Variants in DIP2C observed in about 807,000 individuals in gnomAD.
The protein encoded by DIP2C is DIP2 acetate--CoA ligase C (putative), also known as disco-interacting protein 2 homolog C.
In DIP2C, 33 loss-of-function variants were observed where a neutral mutation model predicts 192.4. The ratio of observed to expected loss-of-function variants is 0.17; its 90% CI spans 0.13 to 0.23. The LOEUF is 0.23. Ranked by LOEUF, DIP2C falls within the 10% of genes least tolerant of loss-of-function variation. The pLI, the probability that DIP2C is intolerant of heterozygous loss-of-function variation, is 1.00. For missense variants in DIP2C, 1,537 were observed against 2,110.1 expected (o/e 0.73, Z 5.32); for synonymous variants, 979 against 864.1 (o/e 1.13, Z -2.33).
In DIP2C at chr10:418,051, T is replaced by TAGATAGG. The variant is rs1965884960; in HGVS notation, c.739+1013_739+1014insCCTATCT. 1.7e-4 allele frequency among the ~76,000 whole-genome samples: 2 copies of TAGATAGG among 11,700 alleles called. 1 individual carries two copies. Among genetic ancestry groups the TAGATAGG allele is most frequent in the Non-Finnish European group, 4.4e-4 (2 of 4,528 alleles). The allele number at this position is 11,700 out of a possible 152,430, so 7.7% of individuals were successfully genotyped here. On this transcript the variant is annotated intron_variant, in intron 6 of 36. Transcript: ENST00000280886. ...CTGTCCACCTGTTCCTGTCAGGGCT[T>TAGATAGG]CGATAGGCCTCCCTGTTCACTGCAC...
At chr10:526,307 G>C (rs1847046959) in intron 1 of DIP2C, among the ~76,000 whole-genome samples, 1 of 152,182 alleles carries the variant, frequency 6.6e-6, no homozygotes, top group Non-Finnish European at 1.5e-5. Flanking sequence ...TTGAAGGTGT[G>C]AATTTTATTA....
intron 1 of DIP2C, among the ~76,000 whole-genome samples, chr10:504,821 T>C (rs561931111): frequency 6.6e-6 from 1 of 152,364 alleles, no homozygotes; most frequent in East Asian, 1.9e-4. Context: ...AATCGCACTA[T>C]GGCTGCATCA....
At chr10:480,137 C>CG (rs1336122435) in intron 2 of DIP2C, among the ~76,000 whole-genome samples, 21 of 146,780 alleles carry the variant, frequency 1.4e-4, no homozygotes, top group Admixed American at 6.1e-4. Flanking sequence ...GCCTGAGCCC[C>CG]GGTCCATACT....
chr10:513,938 G>A (rs1042890793), intron 1 of DIP2C, among the ~76,000 whole-genome samples: 1 of 152,222 alleles, frequency 6.6e-6, no homozygotes. Flanking sequence ...AGGTTGTATA[G>A]ATCCAAAAAG....
rs1049126910 is a variant in DIP2C at position 378,556 on chromosome 10, C to T, written c.1991+4091G>A. Among the ~76,000 whole-genome samples, 22 of 151,812 alleles carry T rather than the reference C, an allele frequency of 1.4e-4. 1 individual carries two copies. Among genetic ancestry groups the T allele is most frequent in the South Asian group, 4.2e-4 (2 of 4,786 alleles). The stretch of plus-strand genomic sequence containing the variant: ...AGACACATGTGAACACATGCAGACA[C>T]GTGAACACAAACATGCAGACATGTG... On this transcript the variant is annotated intron_variant, in intron 17 of 36. Transcript: ENST00000280886.
intron 32 of DIP2C, among the ~76,000 whole-genome samples, chr10:296,113 TC>T (rs1955741846): frequency 6.6e-6 from 1 of 152,232 alleles, no homozygotes; most frequent in Non-Finnish European, 1.5e-5. Context: ...GTGCAGAAGC[TC>T]TTTAGTTTAA....
chr10:452,187 CA>C (rs1355730407), intron 3 of DIP2C, among the ~76,000 whole-genome samples: 1 of 152,108 alleles, frequency 6.6e-6, no homozygotes, highest in Non-Finnish European at 1.5e-5. Context: ...AAAACAATTG[CA>C]AAAAGATGTC....
At chr10:371,876 C>T (rs1296516079) in intron 17 of DIP2C, among the ~76,000 whole-genome samples, 4 of 152,188 alleles carry the variant, frequency 2.6e-5, no homozygotes, top group South Asian at 2.1e-4. Context: ...TACTTTGTTA[C>T]GAGAGCCGGA....
chr10:455,089 GT>G (rs1969179384), intron 3 of DIP2C, among the ~76,000 whole-genome samples: 1 of 152,194 alleles, frequency 6.6e-6, no homozygotes, highest in Non-Finnish European at 1.5e-5. Flanking sequence ...AGAAGAGAAT[GT>G]TCCTCCAAGG....
rs1353806590 is a variant in DIP2C, at chr10:421,972, C to A, written c.604+852G>T. 4.6e-5 allele frequency among the ~76,000 whole-genome samples: 7 copies of A among 152,268 alleles called. No homozygotes were observed. In the East Asian group the frequency reaches 1.4e-3, roughly 29 times the overall value. ...AAGGAGTCAGTGATCTAGAAGTGAA[C>A]ATTCTGGGGTTCTGGGGTGTCTGTG... On this transcript the variant is annotated intron_variant, in intron 5 of 36. Transcript: ENST00000280886.
intron 9 of DIP2C, among the ~76,000 whole-genome samples, chr10:399,730 T>C (rs1300407340): frequency 1.3e-5 from 2 of 152,316 alleles, no homozygotes; most frequent in East Asian, 1.9e-4. Flanking sequence ...CAAGGTCAAA[T>C]GAGAGAATGC....
chr10:369,970 C>T (rs1032110784), intron 17 of DIP2C: 6 of 985,330 alleles, frequency 6.1e-6, no homozygotes, highest in African/African-American at 1.7e-5. Context: ...CCAGCTCTCT[C>T]TTTCCTCCCG....
chr10:475,530 C>CA (rs1404306039), intron 2 of DIP2C, among the ~76,000 whole-genome samples: 1 of 152,142 alleles, frequency 6.6e-6, no homozygotes, highest in African/African-American at 2.4e-5. Context: ...CACGGAGTTC[C>CA]AGGCTGCTGC....
At chr10:384,714 G>C (rs1962723443) in intron 14 of DIP2C, 75 bp from the exon 15 acceptor site, 1 of 1,471,852 alleles carries the variant, frequency 6.8e-7, no homozygotes, top group Non-Finnish European at 9.4e-7. Flanking sequence ...CAGTGGCATG[G>C]ACACTAGGCC....
At chr10:387,497 G>T (rs946942692) in intron 14 of DIP2C, among the ~76,000 whole-genome samples, 6 of 147,724 alleles carry the variant, frequency 4.1e-5, no homozygotes, top group African/African-American at 7.5e-5. Flanking sequence ...TGCGGGCGGC[G>T]GGGGGGCGAC....
intron 34 of DIP2C, among the ~76,000 whole-genome samples, chr10:285,089 C>A (rs1955026810): frequency 7.1e-6 from 1 of 140,922 alleles, no homozygotes; most frequent in Non-Finnish European, 1.5e-5. Context: ...GAGAGCTGCA[C>A]AGAATTTTAT....
In DIP2C at chr10:572,075, A is replaced by G. The variant is rs576749198; in HGVS notation, c.86-85545T>C. On this transcript the variant is annotated intron_variant, in intron 1 of 36. Coordinates refer to ENST00000280886, the MANE Select transcript of DIP2C (RefSeq NM_014974.3). ...GGGGTGTTTTCCTCTCTGAAAGGAG[A>G]CCCTTCTCGGGATTGAGTGACAGCC... is the stretch of plus-strand genomic sequence containing the variant. Among the ~76,000 whole-genome samples, 8 of 152,226 alleles carry G rather than the reference A, an allele frequency of 5.3e-5. No individual in the cohort carries two copies. The East Asian group carries it at 7.7e-4, about 15-fold the overall frequency.
At position 283,315 on chromosome 10, in the gene DIP2C, G is replaced by A; in HGVS notation, c.4251C>T (p.Tyr1417=). The A allele has an allele frequency of 6.2e-7, 1 of 1,614,062 alleles. No individual in the cohort carries two copies. The highest frequency in any genetic ancestry group is 8.5e-7 in the Non-Finnish European group (1 of 1,179,948). ...GCTCAGTTCTCCGCAGGAACCCCAA[G>A]TAGCCTGTGCGTGCCCAGATGGTCT... The part of the protein sequence containing the change: ...DTQTIWARTG[Y]LGFLRRTELT... The change falls in exon 35 of 37, where the codon TAC becomes TAT. Residue 1417 remains tyrosine, a synonymous_variant. Transcript: ENST00000280886.
At chr10:380,049 T>C (rs1281167018) in intron 17 of DIP2C, among the ~76,000 whole-genome samples, 6 of 151,926 alleles carry the variant, frequency 3.9e-5, no homozygotes, top group African/African-American at 9.7e-5. Context: ...CCCTGGAAGA[T>C]GGTTAACACG....
Sources: gnomAD v4.1 joint callset for allele counts (sites outside exome capture counted in the v4.1 genomes callset) on GRCh38, gnomAD v4.1.1 for gene constraint, MANE v1.5 for transcripts, NCBI Gene and HGNC (gene_info 2026-07-23, HGNC 2026-07-21) for gene names.